Variants in PPM1D observed in about 807,000 individuals in gnomAD.
PPM1D encodes protein phosphatase 1D.
In PPM1D, 52 loss-of-function variants were observed where a neutral mutation model predicts 58.3. That is an observed-to-expected ratio of 0.89 (90% CI 0.71 to 1.12). The LOEUF is 1.12. Ranked by LOEUF, PPM1D falls within the 50% of genes most tolerant of loss-of-function variation. The probability of loss-of-function intolerance (pLI) is 0.00; values close to 1 mark genes in which losing one functional copy is unlikely to be tolerated. For synonymous variants in PPM1D, 278 were observed against 285.1 expected (o/e 0.98, Z 0.25); for missense variants, 564 against 777.2 (o/e 0.73, Z 3.26).
rs765276046 is a variant in PPM1D, at chr17:60,663,328, A to G, written c.1594A>G (p.Thr532Ala). The G allele has an allele frequency of 3.7e-5, 60 of 1,614,082 alleles. 1 individual carries two copies. In the East Asian group the frequency reaches 1.2e-3, roughly 31 times the overall value. The change falls in exon 6 of 6, where the codon ACA (threonine) becomes GCA (alanine). Residue 532 changes from threonine (T) to alanine (A), a missense_variant. Physicochemically the swap from Thr to Ala is moderately conservative, Grantham distance 58. Coordinates refer to ENST00000305921, the MANE Select transcript of PPM1D (RefSeq NM_003620.4). Reference sequence around the variant, plus strand: ...CCAAGAAATTGAAAGAACCCCTCCAACAAACTTTAAAAGGACATTAGAAGA... The same window carrying G: ...CCAAGAAATTGAAAGAACCCCTCCAGCAAACTTTAAAAGGACATTAGAAGA... ...KAQEIERTPP[T>A]NFKRTLEESN...
chr17:60,630,824 G>A (rs191872186), intron 2 of PPM1D, among the ~76,000 whole-genome samples: 1 of 152,250 alleles, frequency 6.6e-6, no homozygotes, highest in East Asian at 1.9e-4. Flanking sequence ...ACCTTGTAAG[G>A]AGAAGGTTTA....
intron 2 of PPM1D, among the ~76,000 whole-genome samples, chr17:60,631,530 T>A (rs1452611478): frequency 6.6e-6 from 1 of 150,560 alleles, no homozygotes; most frequent in Non-Finnish European, 1.5e-5. Context: ...TCCTAGCTAC[T>A]CAGGAGGCTG....
chr17:60,624,333 AT>A (rs1468803113), intron 2 of PPM1D, among the ~76,000 whole-genome samples: 1 of 152,232 alleles, frequency 6.6e-6, no homozygotes, highest in Non-Finnish European at 1.5e-5. Flanking sequence ...CTCAATACTA[AT>A]TTTTAAAAAT....
Position 60,664,258 on chromosome 17 carries a change from A to C in PPM1D, c.*706A>C, listed in dbSNP as rs1277244519. 10 of 152,646 alleles carry C rather than the reference A, an allele frequency of 6.6e-5. No homozygotes were observed. The highest frequency in any genetic ancestry group is 6.5e-4 in the Admixed American group (10 of 15,276). 9.5% of individuals were successfully genotyped at this position (152,646 alleles called of 1,614,324 possible). A position where few individuals can be genotyped will look rare whatever the true frequency, so the allele number is the denominator to read the frequency against. ...AAGTGTGTTTGCCTAAAACAATCTA[A>C]AACAATTCCCTTCTTTTTCATCCCA... On this transcript the variant is annotated 3_prime_UTR_variant, in exon 6 of 6. Transcript: ENST00000305921.
intron 5 of PPM1D, 103 bp downstream of exon 5, chr17:60,656,944 G>C (rs1313931745): frequency 6.3e-7 from 1 of 1,596,888 alleles, no homozygotes; most frequent in African/African-American, 1.3e-5. Context: ...TTTTGGATTT[G>C]AACTCGATTC....
rs1445558128 is a variant in PPM1D at position 60,633,893 on chromosome 17, C to A, written c.742C>A (p.Arg248=). The change falls in exon 3 of 6, where the codon CGA becomes AGA. Residue 248 remains arginine (R), a synonymous_variant. Coordinates refer to ENST00000305921, the MANE Select transcript of PPM1D (RefSeq NM_003620.4). ...KSGVNRVVWK[R]PRLTHNGPVR... ...TGGGGTGAATCGTGTAGTTTGGAAA[C>A]GACCTCGACTCACTCACAATGGACC... 1 of 1,613,404 alleles carries A rather than the reference C, an allele frequency of 6.2e-7. No homozygotes were observed. Among genetic ancestry groups the A allele is most frequent in the Non-Finnish European group, 8.5e-7 (1 of 1,179,548 alleles).
intron 1 of PPM1D, among the ~76,000 whole-genome samples, chr17:60,617,412 C>T (rs1364240547): frequency 6.6e-6 from 1 of 151,920 alleles, no homozygotes; most frequent in African/African-American, 2.4e-5. Flanking sequence ...CACAGTAGCA[C>T]ATGCTTATAG....
intron 3 of PPM1D, among the ~76,000 whole-genome samples, chr17:60,639,177 A>G (rs74970628): frequency 0.051 from 7,739 of 152,092 alleles, 674 homozygotes; most frequent in African/African-American, 0.18. Context: ...GTGCATTGGC[A>G]CAATCTCGGC....
intron 2 of PPM1D, among the ~76,000 whole-genome samples, chr17:60,625,932 G>C (rs1050447211): frequency 6.6e-6 from 1 of 152,160 alleles, no homozygotes; most frequent in Non-Finnish European, 1.5e-5. Context: ...TCTCTCAGCT[G>C]CTACTGTCCC....
intron 3 of PPM1D, among the ~76,000 whole-genome samples, chr17:60,638,282 A>G (rs926951481): frequency 6.6e-6 from 1 of 152,236 alleles, no homozygotes; most frequent in Non-Finnish European, 1.5e-5. Context: ...TTTCTTTTCA[A>G]AAATAATGCT....
chr17:60,611,984 G>C (rs1420721666), intron 1 of PPM1D, among the ~76,000 whole-genome samples: 2 of 151,290 alleles, frequency 1.3e-5, no homozygotes, highest in East Asian at 3.9e-4. Flanking sequence ...CTGTCCAATT[G>C]ACTGGAGTAC....
chr17:60,642,391 T>C (rs1598409217), intron 3 of PPM1D, among the ~76,000 whole-genome samples: 2 of 149,534 alleles, frequency 1.3e-5, no homozygotes, highest in East Asian at 3.9e-4. Flanking sequence ...TAAAGGAGTT[T>C]AATTGGGCAA....
rs1339464525 is a variant in PPM1D, at chr17:60,610,830, C to T, written c.472+9944C>T. Among the ~76,000 whole-genome samples the T allele has an allele frequency of 2.6e-5, 4 of 152,276 alleles. No individual in the cohort carries two copies. The East Asian group carries it at 7.7e-4, about 29-fold the overall frequency. Reference sequence around the variant, plus strand: ...GGGTCATGAGGTATGATATCTTGGACCTCACTAGATATTGCCAAATTGCTT... The same window carrying T: ...GGGTCATGAGGTATGATATCTTGGATCTCACTAGATATTGCCAAATTGCTT... On this transcript the variant is annotated intron_variant, in intron 1 of 5. Coordinates refer to ENST00000305921, the MANE Select transcript of PPM1D (RefSeq NM_003620.4).
At position 60,664,538 on chromosome 17, in the gene PPM1D, T is replaced by TA. The variant is rs2031585682; in HGVS notation, c.*987dup. 6.6e-6 allele frequency: 1 copy of TA among 152,552 alleles called. No homozygotes were observed. The highest frequency in any genetic ancestry group is 2.4e-5 in the African/African-American group (1 of 41,466). The allele number at this position is 152,552 out of a possible 1,614,324, so 9.4% of individuals were successfully genotyped here. On this transcript the variant is annotated 3_prime_UTR_variant, in exon 6 of 6. Coordinates refer to ENST00000305921, the MANE Select transcript of PPM1D (RefSeq NM_003620.4). ...TGGTATGTACAAGTTGAGTATCCCT[T>TA]ATCCAAAATGCTTGGGACCAGAAGT...
chr17:60,619,263 A>G (rs1224524661), intron 1 of PPM1D, among the ~76,000 whole-genome samples: 2 of 147,966 alleles, frequency 1.4e-5, no homozygotes, highest in African/African-American at 5.0e-5. Context: ...GTATACATAC[A>G]TTTTCTTTAT....
At chr17:60,619,508 A>G (rs140540494) in intron 1 of PPM1D, among the ~76,000 whole-genome samples, 1 of 152,350 alleles carries the variant, frequency 6.6e-6, no homozygotes, top group East Asian at 1.9e-4. Context: ...TCAGCAGTGT[A>G]CAAATGTTCT....
In PPM1D at chr17:60,600,225, C is replaced by T. The variant is rs1299280879; in HGVS notation, c.-190C>T. 8.0e-5 allele frequency: 95 copies of T among 1,186,356 alleles called. No individual in the cohort carries two copies. In the East Asian group the frequency reaches 2.6e-3, roughly 32 times the overall value. 73.5% of individuals were successfully genotyped at this position (1,186,356 alleles called of 1,614,324 possible). On this transcript the variant is annotated 5_prime_UTR_variant, in exon 1 of 6. Transcript: ENST00000305921. ...AGGCGCAACTGCCTGGCTCTGCTCG[C>T]TCCGGCGCTCCGGCCCAGCTCTCGC...
Position 60,645,516 on chromosome 17 carries a change from A to G in PPM1D, c.827-2376A>G, listed in dbSNP as rs1457273934. ...TGTATGTGTATATATATATGTGTATATATATGTATATATATATGTGTATAT... is the reference window on the plus strand; with the variant it reads ...TGTATGTGTATATATATATGTGTATGTATATGTATATATATATGTGTATAT... On this transcript the variant is annotated intron_variant, in intron 3 of 5. Transcript: ENST00000305921. Among the ~76,000 whole-genome samples, 477 of 133,626 alleles carry G rather than the reference A, an allele frequency of 3.6e-3. 3 individuals are homozygous for G. The highest frequency in any genetic ancestry group is 0.014 in the African/African-American group (443 of 32,466). 87.7% of individuals were successfully genotyped at this position (133,626 alleles called of 152,430 possible). A position where few individuals can be genotyped will look rare whatever the true frequency, so the allele number is the denominator to read the frequency against.
intron 3 of PPM1D, among the ~76,000 whole-genome samples, chr17:60,644,271 T>C (rs1183561193): frequency 6.6e-6 from 1 of 152,098 alleles, no homozygotes; most frequent in Non-Finnish European, 1.5e-5. Flanking sequence ...TAAAAATGAC[T>C]AAAAAATGAC....
Sources: allele counts gnomAD v4.1 joint callset (sites outside exome capture counted in the v4.1 genomes callset), GRCh38; gene constraint gnomAD v4.1.1; transcripts MANE v1.5; gene names NCBI Gene and HGNC (gene_info 2026-07-23, HGNC 2026-07-21).